Variants in SCOC observed in about 807,000 individuals in gnomAD.
SCOC encodes the protein short coiled-coil protein, also known as short coiled coil protein.
In SCOC, 7 loss-of-function variants were observed where a neutral mutation model predicts 9.9. The ratio of observed to expected loss-of-function variants is 0.71; its 90% CI spans 0.40 to 1.33. The LOEUF (loss-of-function observed/expected upper bound fraction) is 1.33. Among genes scored for constraint, SCOC ranks in the 40% most tolerant of loss-of-function variants. The pLI, the probability that SCOC is intolerant of heterozygous loss-of-function variation, is 0.01. For synonymous variants in SCOC, 19 were observed against 28.2 expected, an observed-to-expected ratio of 0.67 and a Z score of 1.03; for missense variants, 66 against 89.7, an observed-to-expected ratio of 0.74 and a Z score of 1.07.
intron 1 of SCOC, among the ~76,000 whole-genome samples, chr4:140,314,778 G>A (rs1732262871): frequency 6.6e-6 from 1 of 152,184 alleles, no homozygotes; most frequent in East Asian, 1.9e-4. Context: ...GGAGCAATGA[G>A]AAGTTGGCCT....
At chr4:140,304,292 G>A (rs1399514166) in intron 1 of SCOC, among the ~76,000 whole-genome samples, 2 of 152,132 alleles carry the variant, frequency 1.3e-5, no homozygotes, top group Non-Finnish European at 2.9e-5. Context: ...TGTTTTGCAG[G>A]GAGTGGGAGG....
At chr4:140,278,688 C>T (rs1057134676) in intron 1 of SCOC, among the ~76,000 whole-genome samples, 1 of 152,154 alleles carries the variant, frequency 6.6e-6, no homozygotes, top group Non-Finnish European at 1.5e-5. Context: ...GATTAGGTTT[C>T]AATGTATACA....
rs1189593952 is a variant in SCOC, at chr4:140,384,096, A to G, written c.*2992A>G. ...TAATTTCATGAGGTTCCTTGTATCAAAACTTTGTCTATTCCCTTCTATCTT... is the reference window on the plus strand; with the variant it reads ...TAATTTCATGAGGTTCCTTGTATCAGAACTTTGTCTATTCCCTTCTATCTT... On this transcript the variant is annotated 3_prime_UTR_variant, in exon 4 of 4. Coordinates refer to ENST00000608372, the MANE Select transcript of SCOC (RefSeq NM_001153484.2). 1 of 152,230 alleles carries G rather than the reference A, an allele frequency of 6.6e-6. No homozygotes were observed. The highest frequency in any genetic ancestry group is 1.5e-5 in the Non-Finnish European group (1 of 68,040). The allele number at this position is 152,230 out of a possible 1,614,324, so 9.4% of individuals were successfully genotyped here.
rs146944540 is a variant in SCOC at position 140,381,433 on chromosome 4, C to T, written c.*329C>T. On this transcript the variant is annotated 3_prime_UTR_variant, in exon 4 of 4. Coordinates refer to ENST00000608372, the MANE Select transcript of SCOC (RefSeq NM_001153484.2). ...GTAAGATATACAAGAAAATAACCAC[C>T]GTGTTGTGAAAAAGTGACCAAAATC... 45 of 165,354 alleles carry T rather than the reference C, an allele frequency of 2.7e-4. No homozygotes were observed. Among genetic ancestry groups the T allele is most frequent in the African/African-American group, 8.6e-4 (36 of 41,812 alleles). The allele number at this position is 165,354 out of a possible 1,614,324, so 10.2% of individuals were successfully genotyped here. A position where few individuals can be genotyped will look rare whatever the true frequency, so the allele number is the denominator to read the frequency against.
rs1464072858 is a variant in SCOC at position 140,383,332 on chromosome 4, A to G, written c.*2228A>G. ...CTCTATTAAAGGTCCATCCCTTTACATGTGGCTTCTAATAGTCTGACAATC... is the reference window on the plus strand; with the variant it reads ...CTCTATTAAAGGTCCATCCCTTTACGTGTGGCTTCTAATAGTCTGACAATC... On this transcript the variant is annotated 3_prime_UTR_variant, in exon 4 of 4. Coordinates refer to ENST00000608372, the MANE Select transcript of SCOC (RefSeq NM_001153484.2). The G allele has an allele frequency of 6.6e-6, 1 of 152,206 alleles. No individual in the cohort carries two copies. Among genetic ancestry groups the G allele is most frequent in the Non-Finnish European group, 1.5e-5 (1 of 68,030 alleles). The allele number at this position is 152,206 out of a possible 1,614,324, so 9.4% of individuals were successfully genotyped here.
At chr4:140,266,821 A>C (rs948368967) in intron 1 of SCOC, among the ~76,000 whole-genome samples, 3 of 152,214 alleles carry the variant, frequency 2.0e-5, no homozygotes, top group African/African-American at 7.2e-5. Flanking sequence ...AAAGGGAGGA[A>C]GGGAGAAAGA....
chr4:140,291,673 T>C, intron 1 of SCOC: 1 of 373,156 alleles, frequency 2.7e-6, no homozygotes, highest in South Asian at 2.0e-5. Context: ...TAAAATCACA[T>C]CAGGCACTGC....
intron 2 of SCOC, among the ~76,000 whole-genome samples, chr4:140,355,447 G>T (rs1727187316): frequency 1.3e-5 from 2 of 152,046 alleles, no homozygotes; most frequent in Admixed American, 1.3e-4. Flanking sequence ...ACTGGGCTTG[G>T]AAAGGTTTAG....
upstream of SCOC, chr4:140,373,341 T>C (rs1318370430): frequency 1.4e-5 from 20 of 1,419,146 alleles, no homozygotes; most frequent in Admixed American, 6.0e-5. Flanking sequence ...ACTCCAATTC[T>C]CAGGTTTCCT....
At chr4:140,337,879 G>A (rs962388511) in intron 1 of SCOC, among the ~76,000 whole-genome samples, 5 of 152,150 alleles carry the variant, frequency 3.3e-5, no homozygotes, top group African/African-American at 9.7e-5. Flanking sequence ...ACAAGGAGGA[G>A]CTGGTACCAT....
In SCOC at chr4:140,293,414, T is replaced by C. The variant is rs1401009746; in HGVS notation, c.-19+36004T>C. The C allele has an allele frequency of 6.6e-6, 3 of 456,694 alleles. No homozygotes were observed. The East Asian group carries it at 2.1e-4, about 32-fold the overall frequency. 28.3% of individuals were successfully genotyped at this position (456,694 alleles called of 1,614,324 possible). On this transcript the variant is annotated intron_variant, in intron 1 of 4. Transcript: ENST00000394205. ...CAGGATTGGAGGTGTAAGCTATTTG[T>C]TGAGGTAAACTAAAAGAATAAGAGA...
At chr4:140,366,175 CTTTCTTTCTTTTT>C in intron 2 of SCOC, 4 of 453,626 alleles carry the variant, frequency 8.8e-6, no homozygotes, top group Non-Finnish European at 9.4e-6. Flanking sequence ...GCCTCCTTTT[CTTTCTTTCTTTTT>C]TTTTTTTTTT....
intron 1 of SCOC, among the ~76,000 whole-genome samples, chr4:140,304,628 C>A (rs961683287): frequency 6.6e-6 from 1 of 152,086 alleles, no homozygotes; most frequent in African/African-American, 2.4e-5. Context: ...CAGTACCCAG[C>A]GAGAAACTCA....
intron 1 of SCOC, among the ~76,000 whole-genome samples, chr4:140,309,608 G>C (rs1732092310): frequency 6.6e-6 from 1 of 152,156 alleles, no homozygotes; most frequent in African/African-American, 2.4e-5. Flanking sequence ...GATTCAAATA[G>C]ATATATCCAA....
chr4:140,342,595 T>TA (rs912829774), upstream of SCOC, among the ~76,000 whole-genome samples: 8 of 151,068 alleles, frequency 5.3e-5, no homozygotes, highest in African/African-American at 9.9e-5. Flanking sequence ...CTTGCCTGAA[T>TA]AAAAAAAATA....
At chr4:140,283,310 A>G (rs1336766291) in intron 1 of SCOC, among the ~76,000 whole-genome samples, 1 of 152,226 alleles carries the variant, frequency 6.6e-6, no homozygotes, top group Admixed American at 6.5e-5. Context: ...TCAAAATGAT[A>G]GAAGTTCTTC....
chr4:140,359,314 C>T (rs950188607), intron 2 of SCOC, among the ~76,000 whole-genome samples: 4 of 152,016 alleles, frequency 2.6e-5, no homozygotes, highest in African/African-American at 7.3e-5. Flanking sequence ...TGAGCTGGAG[C>T]TGTCATTTTG....
chr4:140,320,706 G>A (rs1732476058), intron 1 of SCOC, among the ~76,000 whole-genome samples: 1 of 152,156 alleles, frequency 6.6e-6, no homozygotes, highest in Non-Finnish European at 1.5e-5. Context: ...ACACCACCCT[G>A]ATACATTCCC....
intron 1 of SCOC, among the ~76,000 whole-genome samples, chr4:140,282,417 A>G (rs1731121340): frequency 6.6e-6 from 1 of 152,306 alleles, no homozygotes; most frequent in Admixed American, 6.5e-5. Context: ...TGGCAGGATA[A>G]TTTATTGAGA....
Sources: gnomAD v4.1 joint callset for allele counts (sites outside exome capture counted in the v4.1 genomes callset) on GRCh38, gnomAD v4.1.1 for gene constraint, MANE v1.5 for transcripts, NCBI Gene and HGNC (gene_info 2026-07-23, HGNC 2026-07-21) for gene names.